Variants in TGFBR3 observed in about 807,000 individuals in gnomAD.
TGFBR3 encodes the protein transforming growth factor beta receptor 3.
Under a neutral mutation model 87.9 loss-of-function variants are expected in TGFBR3, and 46 were observed. The ratio of observed to expected loss-of-function variants is 0.52; its 90% CI spans 0.41 to 0.67. The LOEUF (loss-of-function observed/expected upper bound fraction) is 0.67, where lower values mean the gene tolerates loss of function less well. Among genes scored for constraint, TGFBR3 ranks in the 30% least tolerant of loss-of-function variants. The pLI is 0.00. For missense variants in TGFBR3, 866 were observed against 1,041.9 expected (o/e 0.83, Z 2.32); for synonymous variants, 381 against 391.6 (o/e 0.97, Z 0.32).
chr1:91,858,633 AC>A (rs376708426), intron 2 of TGFBR3, among the ~76,000 whole-genome samples: 11,499 of 115,012 alleles, frequency 0.1, 629 homozygotes, highest in East Asian at 0.32. Context: ...AAAAAAAAAA[AC>A]AAAATTTCCC....
chr1:91,757,389 C>A (rs1673782674), intron 4 of TGFBR3, among the ~76,000 whole-genome samples: 6 of 152,218 alleles, frequency 3.9e-5, no homozygotes, highest in Admixed American at 3.9e-4. Flanking sequence ...GTTAAGGTAT[C>A]ATGGGATATC....
intron 15 of TGFBR3, among the ~76,000 whole-genome samples, chr1:91,696,317 A>AT (rs1353973349): frequency 6.6e-6 from 1 of 152,252 alleles, no homozygotes; most frequent in African/African-American, 2.4e-5. Context: ...TAGAATAAAA[A>AT]TAAACTATTC....
chr1:91,825,197 A>G (rs931795471), intron 2 of TGFBR3, among the ~76,000 whole-genome samples: 2 of 152,256 alleles, frequency 1.3e-5, no homozygotes, highest in Non-Finnish European at 2.9e-5. Context: ...GAATGCCCAT[A>G]ACAACATTAT....
intron 2 of TGFBR3, among the ~76,000 whole-genome samples, chr1:91,853,722 C>T (rs1386310418): frequency 6.6e-6 from 1 of 152,102 alleles, no homozygotes; most frequent in Non-Finnish European, 1.5e-5. Flanking sequence ...TCTTAAAAAG[C>T]CAAACTCATG....
intron 5 of TGFBR3, 124 bp from the exon 6 acceptor site, chr1:91,730,097 G>T (rs1292656095): frequency 1.8e-6 from 2 of 1,111,086 alleles, no homozygotes; most frequent in South Asian, 1.3e-5. Context: ...TCAAAGGATG[G>T]TTCTTCGTCT....
intron 1 of TGFBR3, among the ~76,000 whole-genome samples, chr1:91,864,887 T>C (rs1678328708): frequency 6.6e-6 from 1 of 152,214 alleles, no homozygotes; most frequent in Non-Finnish European, 1.5e-5. Flanking sequence ...CTGGACTTTA[T>C]GAACTAAATG....
intron 3 of TGFBR3, among the ~76,000 whole-genome samples, chr1:91,790,824 C>T (rs977325337): frequency 2.0e-5 from 3 of 152,156 alleles, no homozygotes; most frequent in African/African-American, 4.8e-5. Flanking sequence ...AATGTTTTTG[C>T]TCTCACATAT....
chr1:91,744,177 C>T (rs1310996319), intron 4 of TGFBR3, among the ~76,000 whole-genome samples: 1 of 151,496 alleles, frequency 6.6e-6, no homozygotes, highest in East Asian at 1.9e-4. Flanking sequence ...CTCTGCCTCC[C>T]AGGTTCAAGC....
At chr1:91,712,188 C>T in intron 13 of TGFBR3, 55 bp downstream of exon 13, 1 of 1,548,314 alleles carries the variant, frequency 6.5e-7, no homozygotes, top group Non-Finnish European at 8.9e-7. Context: ...TTAAACTTTT[C>T]TGCCTCACCT....
chr1:91,747,260 A>G (rs1393680693), intron 4 of TGFBR3, among the ~76,000 whole-genome samples: 3 of 152,162 alleles, frequency 2.0e-5, no homozygotes, highest in Non-Finnish European at 2.9e-5. Flanking sequence ...GTCAGCAAAG[A>G]CCTGGGTGTC....
At chr1:91,690,529 G>A (rs577482360) in intron 16 of TGFBR3, among the ~76,000 whole-genome samples, 1 of 152,042 alleles carries the variant, frequency 6.6e-6, no homozygotes, top group Non-Finnish European at 1.5e-5. Context: ...CAAGAAAGTA[G>A]GGTTCCAGTC....
In TGFBR3 at chr1:91,712,260, G is replaced by T. The variant is rs763365526; in HGVS notation, c.2149C>A (p.Pro717Thr). ...CCACAAACCTTAGGCAACTTCTGGG[G>T]GTGCTTCTCCATCTTCGTACACAGC... ...LTLCTKMEKH[P>T]QKLPKCVPPD... The change falls in exon 13 of 17, where the codon CCC becomes ACC. Residue 717 changes from proline (P) to threonine (T), a missense_variant. Coordinates refer to ENST00000212355, the MANE Select transcript of TGFBR3 (RefSeq NM_003243.5). 4 of 1,613,960 alleles carry T rather than the reference G, an allele frequency of 2.5e-6. No homozygotes were observed. The highest frequency in any genetic ancestry group is 3.4e-6 in the Non-Finnish European group (4 of 1,180,016).
At chr1:91,822,796 C>T (rs191122429) in intron 2 of TGFBR3, among the ~76,000 whole-genome samples, 3 of 152,118 alleles carry the variant, frequency 2.0e-5, no homozygotes, top group Admixed American at 1.3e-4. Flanking sequence ...CGTGGTGGCA[C>T]GTGCTTGTAG....
chr1:91,877,746 G>A (rs1181420912), intron 1 of TGFBR3, among the ~76,000 whole-genome samples: 1 of 152,122 alleles, frequency 6.6e-6, no homozygotes, highest in Admixed American at 6.5e-5. Context: ...CTATTGTAAC[G>A]AATAATGAGT....
At chr1:91,729,052 ACAC>A (rs2100807609) in intron 6 of TGFBR3, among the ~76,000 whole-genome samples, 1 of 118,608 alleles carries the variant, frequency 8.4e-6, no homozygotes, top group African/African-American at 3.4e-5. Flanking sequence ...ACACACACAC[ACAC>A]ACACACACAC....
intron 2 of TGFBR3, among the ~76,000 whole-genome samples, chr1:91,833,758 T>G (rs1283161579): frequency 1.4e-5 from 2 of 147,866 alleles, no homozygotes; most frequent in South Asian, 2.2e-4. Context: ...CCAGCCTGGG[T>G]GACAGAGTGA....
At chr1:91,809,817 A>T (rs1246906293) in intron 2 of TGFBR3, among the ~76,000 whole-genome samples, 1 of 152,108 alleles carries the variant, frequency 6.6e-6, no homozygotes, top group Non-Finnish European at 1.5e-5. Context: ...TTCTGTTAGG[A>T]GGGAAACTGA....
rs1672907486 is a variant in TGFBR3 at position 91,734,868 on chromosome 1, T to A, written c.476A>T (p.His159Leu). The A allele has an allele frequency of 4.3e-6, 7 of 1,614,226 alleles. No individual in the cohort carries two copies. Among genetic ancestry groups the A allele is most frequent in the South Asian group, 1.1e-5 (1 of 91,086 alleles). ...EERNFPHGNE[H>L]LLNWARKEYG... ...CTCTTTTCGGGCCCAATTTAACAGA[T>A]GTTCATTTCCATGGGGGAAGTTCCT... The change falls in exon 5 of 17, where the codon CAT (histidine) becomes CTT (leucine). Residue 159 changes from histidine (H) to leucine (L), a missense_variant. His to Leu is a moderately conservative substitution (Grantham distance 99). Coordinates refer to ENST00000212355, the MANE Select transcript of TGFBR3 (RefSeq NM_003243.5).
At position 91,727,691 on chromosome 1, in the gene TGFBR3, A is replaced by AG. The variant is rs1557679499; in HGVS notation, c.852_853insC (p.Ser285LeufsTer3). The AG allele has an allele frequency of 6.2e-7, 1 of 1,614,152 alleles. No homozygotes were observed. Among genetic ancestry groups the AG allele is most frequent in the Admixed American group, 1.7e-5 (1 of 60,028 alleles). On this transcript the variant is annotated frameshift_variant, in exon 7 of 17. Coordinates refer to ENST00000212355, the MANE Select transcript of TGFBR3 (RefSeq NM_003243.5). LOFTEE classifies it high-confidence loss of function. ...TTCAGGCTTCCCTTAACATCAAAAGATTTGATCACCCAGTTGACAGACTTT... is the reference window on the plus strand; with the variant it reads ...TTCAGGCTTCCCTTAACATCAAAAGAGTTTGATCACCCAGTTGACAGACTTT...
Sources: allele counts gnomAD v4.1 joint callset (sites outside exome capture counted in the v4.1 genomes callset), GRCh38; gene constraint gnomAD v4.1.1; transcripts MANE v1.5; gene names NCBI Gene and HGNC (gene_info 2026-07-23, HGNC 2026-07-21).